LDHD: variants seen among roughly 807,000 people sequenced by gnomAD.
The protein encoded by LDHD is lactate dehydrogenase D, also known as D-lactate dehydrogenase, mitochondrial.
In LDHD, 58 loss-of-function variants were observed where a neutral mutation model predicts 52.9. That is an observed-to-expected ratio of 1.10 (90% CI 0.89 to 1.36). The LOEUF is 1.36. Ranked by LOEUF, LDHD falls within the 40% of genes most tolerant of loss-of-function variation. LDHD has a pLI of 0.00. For missense variants in LDHD, 747 were observed against 668.0 expected (o/e 1.12, Z -1.30); for synonymous variants, 350 against 288.6 (o/e 1.21, Z -2.16).
chr16:75,114,505 C>A (rs777056186), intron 5 of LDHD, 21 bp downstream of exon 5: 1 of 1,490,624 alleles, frequency 6.7e-7, no homozygotes, highest in East Asian at 2.5e-5. Context: ...AGAGCCCGGG[C>A]CCCCCGCAGA....
Position 75,114,542 on chromosome 16 carries a change from G to A in LDHD, c.613C>T (p.Arg205Ter), listed in dbSNP as rs375153125. 2.0e-6 allele frequency: 3 copies of A among 1,526,516 alleles called. No homozygotes were observed. Among genetic ancestry groups the A allele is most frequent in the South Asian group, 1.2e-5 (1 of 83,432 alleles). 94.6% of individuals were successfully genotyped at this position (1,526,516 alleles called of 1,614,324 possible). Reference protein sequence around the residue: ...PDGRLLHTAGRGRHFRKSAAG... With the variant: ...PDGRLLHTAG Reference sequence around the variant, plus strand: ...GGCGCTCACCGGAAATGCCGGCCTCGGCCCGCCGTGTGCAGCAGCCGCCCG... The same window carrying A: ...GGCGCTCACCGGAAATGCCGGCCTCAGCCCGCCGTGTGCAGCAGCCGCCCG... The change falls in exon 5 of 11, where the codon CGA becomes TGA. Residue 205 changes from arginine (R) to a stop codon, truncating the protein, a stop_gained. Coordinates refer to ENST00000450168, the MANE Select transcript of LDHD (RefSeq NM_194436.3). LOFTEE classifies it high-confidence loss of function.
chr16:75,114,188 G>T (rs759845554), intron 5 of LDHD, 23 bp from the exon 6 acceptor site: 1 of 1,610,534 alleles, frequency 6.2e-7, no homozygotes, highest in Non-Finnish European at 8.5e-7. Flanking sequence ...GACACACAAG[G>T]TGAGTACCAG....
chr16:75,115,807 G>A (rs536102319), intron 1 of LDHD, 147 bp from the exon 2 acceptor site: 112 of 566,566 alleles, frequency 2.0e-4, no homozygotes, highest in Non-Finnish European at 3.3e-4. Context: ...TGCCAGGTGG[G>A]CCCACTTTAA....
At chr16:75,112,548 G>A (rs376582816) in intron 10 of LDHD, 27 bp from the exon 11 acceptor site, 7 of 1,613,046 alleles carry the variant, frequency 4.3e-6, no homozygotes, top group African/African-American at 4.0e-5. Context: ...GACATCCTCA[G>A]GGGGCTCCCT....
chr16:75,112,986 C>G, intron 8 of LDHD, 62 bp from the exon 9 acceptor site: 4 of 1,288,362 alleles, frequency 3.1e-6, no homozygotes, highest in Non-Finnish European at 4.4e-6. Flanking sequence ...TCACCGTGGT[C>G]AAGGCTGAGG....
At chr16:75,114,202 G>T (rs775160489) in intron 5 of LDHD, 37 bp from the exon 6 acceptor site, 7 of 1,606,012 alleles carry the variant, frequency 4.4e-6, no homozygotes, top group Non-Finnish European at 5.9e-6. Context: ...GTACCAGGCT[G>T]TGTGATGAGG....
Position 75,114,579 on chromosome 16 carries a change from C to CACCT in LDHD, c.572_575dup (p.Val193GlyfsTer53). The CACCT allele has an allele frequency of 1.3e-6, 2 of 1,532,610 alleles. No homozygotes were observed. The highest frequency in any genetic ancestry group is 8.7e-7 in the Non-Finnish European group (1 of 1,144,380). The allele number at this position is 1,532,610 out of a possible 1,614,324, so 94.9% of individuals were successfully genotyped here. On this transcript the variant is annotated frameshift_variant, in exon 5 of 11. Transcript: ENST00000450168. LOFTEE classifies it high-confidence loss of function. ...GCAGCAGCCGCCCGTCGGGCAGCAC[C>CACCT]ACCTCCAGGTTGAGCACGTTGTCCC... is the stretch of plus-strand genomic sequence containing the variant.
At chr16:75,114,458 G>T (rs1197927130) in intron 5 of LDHD, 68 bp downstream of exon 5, 5 of 1,422,020 alleles carry the variant, frequency 3.5e-6, no homozygotes, top group Middle Eastern at 2.6e-4. Flanking sequence ...TCACAGCCCG[G>T]TCTCTGCAGG....
chr16:75,116,628 A>C, intron 1 of LDHD, 21 bp downstream of exon 1: 5 of 1,594,824 alleles, frequency 3.1e-6, no homozygotes, highest in Non-Finnish European at 4.3e-6. Context: ...CCTCCAGAGG[A>C]CTTCTCTTCT....
intron 8 of LDHD, 107 bp downstream of exon 8, chr16:75,113,428 C>T: frequency 2.2e-6 from 3 of 1,374,830 alleles, no homozygotes; most frequent in Non-Finnish European, 2.9e-6. Flanking sequence ...CAGGCCCAGC[C>T]CCGTTGTTGA....
At chr16:75,116,556 G>A in intron 1 of LDHD, 93 bp downstream of exon 1, 1 of 1,049,554 alleles carries the variant, frequency 9.5e-7, no homozygotes, top group Non-Finnish European at 1.5e-6. Flanking sequence ...TTGGTGCTGG[G>A]GCGTCACAGA....
intron 8 of LDHD, among the ~76,000 whole-genome samples, chr16:75,113,208 A>G (rs2145440482): frequency 1.3e-5 from 2 of 152,004 alleles, no homozygotes; most frequent in Middle Eastern, 3.4e-3. Context: ...TCCCTTCCCC[A>G]GGTTAGGCTA....
At position 75,114,049 on chromosome 16, in the gene LDHD, G is replaced by C. The variant is rs186156814; in HGVS notation, c.746C>G (p.Ala249Gly). 6.2e-7 allele frequency: 1 copy of C among 1,610,026 alleles called. No individual in the cohort carries two copies. The highest frequency in any genetic ancestry group is 2.2e-5 in the East Asian group (1 of 44,894). The change falls in exon 6 of 11, where the codon GCC becomes GGC. Residue 249 changes from alanine (A) to glycine (G), a missense_variant. Ala to Gly is a moderately conservative substitution (Grantham distance 60). Coordinates refer to ENST00000450168, the MANE Select transcript of LDHD (RefSeq NM_194436.3). Reference protein sequence around the residue: ...LHPAPEATVAATCAFPSVQAA... With the variant: ...LHPAPEATVAGTCAFPSVQAA... Reference sequence around the variant, plus strand: ...CTGGACACTGGGGAACGCACACGTGGCGGCCACTGTGGCCTCAGGGGCAGG... The same window carrying C: ...CTGGACACTGGGGAACGCACACGTGCCGGCCACTGTGGCCTCAGGGGCAGG...
At chr16:75,116,134 C>G (rs2036551296) in intron 1 of LDHD, among the ~76,000 whole-genome samples, 1 of 152,154 alleles carries the variant, frequency 6.6e-6, no homozygotes, top group Admixed American at 6.5e-5. Flanking sequence ...CCGAAAAGAT[C>G]CCTCACTTCC....
At chr16:75,115,750 G>C (rs1461400379) in intron 1 of LDHD, 90 bp from the exon 2 acceptor site, 1 of 825,706 alleles carries the variant, frequency 1.2e-6, no homozygotes, top group Non-Finnish European at 1.9e-6. Flanking sequence ...CTGGGGGCTG[G>C]AGGCTGGAGT....
chr16:75,114,215 T>C (rs1005667882), intron 5 of LDHD, 50 bp from the exon 6 acceptor site: 32 of 1,601,176 alleles, frequency 2.0e-5, no homozygotes, highest in Non-Finnish European at 2.7e-5. Context: ...TGATGAGGGA[T>C]TTCTGGCCAG....
chr16:75,116,250 C>G (rs555522779), intron 1 of LDHD, among the ~76,000 whole-genome samples: 59 of 152,150 alleles, frequency 3.9e-4, no homozygotes, highest in African/African-American at 1.3e-3. Flanking sequence ...CCCCACTCTA[C>G]GTTGCCTGGG....
In LDHD at chr16:75,115,302, C is replaced by A; in HGVS notation, c.223G>T (p.Val75Leu). The A allele has an allele frequency of 6.2e-7, 1 of 1,613,650 alleles. No individual in the cohort carries two copies. The highest frequency in any genetic ancestry group is 8.5e-7 in the Non-Finnish European group (1 of 1,180,020). ...PPDAVVWPQN[V>L]EQVSRLAALC... is the part of the protein sequence containing the mutation. ...GCTGCCAGCCGGCTGACCTGCTCCA[C>A]GTTCTGGGGCCACACCACAGCATCA... The change falls in exon 3 of 11, where the codon GTG becomes TTG. Residue 75 changes from valine to leucine, a missense_variant. Val to Leu is a conservative substitution (Grantham distance 32). Coordinates refer to ENST00000450168, the MANE Select transcript of LDHD (RefSeq NM_194436.3).
chr16:75,112,793 G>C (rs747563835), intron 9 of LDHD, 41 bp downstream of exon 9: 1 of 1,601,790 alleles, frequency 6.2e-7, no homozygotes, highest in South Asian at 1.1e-5. Context: ...GATCAGCCCT[G>C]ACACCTCCCC....
Sources: allele counts gnomAD v4.1 joint callset (sites outside exome capture counted in the v4.1 genomes callset), GRCh38; gene constraint gnomAD v4.1.1; transcripts MANE v1.5; gene names NCBI Gene and HGNC (gene_info 2026-07-23, HGNC 2026-07-21).